ADGRL3: variants seen among roughly 807,000 people sequenced by gnomAD.
ADGRL3 encodes adhesion G protein-coupled receptor L3.
A neutral mutation model predicts 153.5 loss-of-function variants in ADGRL3; 62 were observed. The observed-to-expected ratio is 0.40, with a 90% CI of 0.33 to 0.50. The LOEUF (loss-of-function observed/expected upper bound fraction) is 0.50, where lower values mean the gene tolerates loss of function less well. Ranked by LOEUF, ADGRL3 falls within the 20% of genes least tolerant of loss-of-function variation. The pLI is 0.47. For missense variants in ADGRL3, 1,641 were observed against 1,859.4 expected (o/e 0.88, Z 2.16); for synonymous variants, 710 against 672.5 (o/e 1.06, Z -0.86).
At chr4:61,631,389 A>G (rs181240279) in intron 5 of ADGRL3, among the ~76,000 whole-genome samples, 19 of 152,356 alleles carry the variant, frequency 1.2e-4, no homozygotes, top group African/African-American at 4.1e-4. Flanking sequence ...TAAAAGTTCT[A>G]TAATAAAGAA....
At chr4:61,439,547 T>C (rs918822868) in intron 2 of ADGRL3, among the ~76,000 whole-genome samples, 4 of 152,188 alleles carry the variant, frequency 2.6e-5, no homozygotes, top group African/African-American at 9.7e-5. Flanking sequence ...TGGTGGTTTC[T>C]GCACCCATCA....
chr4:62,022,189 G>A (rs1445274276), intron 21 of ADGRL3, among the ~76,000 whole-genome samples: 122 of 152,194 alleles, frequency 8.0e-4, no homozygotes, highest in Non-Finnish European at 4.4e-5. Context: ...TAGTGGTCTT[G>A]TTAGAAGATC....
chr4:61,403,407 T>C (rs960755201), intron 2 of ADGRL3, among the ~76,000 whole-genome samples: 1 of 151,980 alleles, frequency 6.6e-6, no homozygotes, highest in African/African-American at 2.4e-5. Context: ...TTGCTCATGA[T>C]TTAACAAATC....
At position 61,365,182 on chromosome 4, in the gene ADGRL3, TAGGA is replaced by T. The variant is rs568067685; in HGVS notation, c.-239-17939_-239-17936del. Reference sequence around the variant, plus strand: ...CTTTAGCCAAAGTTGGTTCTCTAAATAGGAAGATTTTAAAAAAATGAAATCATTG... The same window carrying T: ...CTTTAGCCAAAGTTGGTTCTCTAAATAGATTTTAAAAAAATGAAATCATTG... On this transcript the variant is annotated intron_variant, in intron 1 of 26. Coordinates refer to ENST00000683033, the MANE Select transcript of ADGRL3 (RefSeq NM_001387552.1). 3.2e-3 allele frequency among the ~76,000 whole-genome samples: 480 copies of T among 151,860 alleles called. 4 individuals are homozygous for T. The highest frequency in any genetic ancestry group is 0.01 in the African/African-American group (429 of 41,414).
At chr4:61,883,796 G>A (rs1018147379) in intron 9 of ADGRL3, among the ~76,000 whole-genome samples, 1 of 151,974 alleles carries the variant, frequency 6.6e-6, no homozygotes, top group Non-Finnish European at 1.5e-5. Flanking sequence ...TAGAATAATT[G>A]ATGATGTTGT....
chr4:61,570,562 G>A (rs558515005), intron 4 of ADGRL3, among the ~76,000 whole-genome samples: 13 of 152,158 alleles, frequency 8.5e-5, no homozygotes, highest in Admixed American at 7.2e-4. Context: ...CCTCATCTCT[G>A]AAACACCTCC....
chr4:61,209,777 T>C (rs1260995993), intron 1 of ADGRL3, among the ~76,000 whole-genome samples: 1 of 152,130 alleles, frequency 6.6e-6, no homozygotes, highest in Non-Finnish European at 1.5e-5. Context: ...AGGTATAAAA[T>C]GAAAGCAACA....
chr4:62,055,055 GTT>G (rs752960754), intron 25 of ADGRL3, among the ~76,000 whole-genome samples: 1 of 151,724 alleles, frequency 6.6e-6, no homozygotes, highest in Non-Finnish European at 1.5e-5. Context: ...TAGGCAATAT[GTT>G]ACTTCAATAA....
chr4:61,945,541 G>T lies in ADGRL3; in HGVS notation c.2420-1373G>T, dbSNP rs1232147080. On this transcript the variant is annotated intron_variant, in intron 15 of 26. Transcript: ENST00000683033. ...CGGGCGCCCCTCCCCCAGCCTCGTT[G>T]CCACCTTGCAGTTTGATCTCAGACT... Among the ~76,000 whole-genome samples, 296 of 137,078 alleles carry T rather than the reference G, an allele frequency of 2.2e-3. 1 individual carries two copies. Among genetic ancestry groups the T allele is most frequent in the Non-Finnish European group, 3.6e-3 (227 of 63,546 alleles). The allele number at this position is 137,078 out of a possible 152,430, so 89.9% of individuals were successfully genotyped here.
intron 1 of ADGRL3, among the ~76,000 whole-genome samples, chr4:61,269,336 A>G (rs183236183): frequency 8.6e-5 from 13 of 151,700 alleles, no homozygotes; most frequent in Admixed American, 8.6e-4. Context: ...TATTTCTTAA[A>G]GGGAATTTGA....
At chr4:61,324,638 AAT>A (rs2095429361) in intron 1 of ADGRL3, among the ~76,000 whole-genome samples, 1 of 152,188 alleles carries the variant, frequency 6.6e-6, no homozygotes. Context: ...TAATCTGCCC[AAT>A]ATTGCACTTA....
chr4:61,968,631 T>C lies in ADGRL3; in HGVS notation c.2806-10932T>C, dbSNP rs544819691. On this transcript the variant is annotated intron_variant, in intron 17 of 26. Transcript: ENST00000683033. ...CATTTCCAGAAAGTCAAAAGGCCCA[T>C]TAAGTGCTTCTGCACATTCTGGGGA... 1.8e-4 allele frequency among the ~76,000 whole-genome samples: 27 copies of C among 152,320 alleles called. 1 individual carries two copies. In the South Asian group the frequency reaches 5.4e-3, roughly 30 times the overall value.
intron 4 of ADGRL3, among the ~76,000 whole-genome samples, chr4:61,555,647 G>A (rs565822220): frequency 1.3e-5 from 2 of 152,100 alleles, no homozygotes; most frequent in African/African-American, 4.8e-5. Context: ...ATCTCAGGGC[G>A]AGTCTGTAAA....
intron 2 of ADGRL3, among the ~76,000 whole-genome samples, chr4:61,393,545 T>A (rs1366436771): frequency 6.6e-6 from 1 of 152,120 alleles, no homozygotes; most frequent in Non-Finnish European, 1.5e-5. Context: ...GAATTTAAAA[T>A]GTCAATAATA....
At chr4:61,643,836 A>G (rs1427272865) in intron 5 of ADGRL3, among the ~76,000 whole-genome samples, 3 of 146,104 alleles carry the variant, frequency 2.1e-5, no homozygotes, top group Non-Finnish European at 4.5e-5. Context: ...CTCTTTTTCT[A>G]TTGATTGGAA....
At chr4:61,253,691 C>CCACACACACACACACACACA (rs143396564) in intron 1 of ADGRL3, among the ~76,000 whole-genome samples, 2 of 140,396 alleles carry the variant, frequency 1.4e-5, no homozygotes, top group South Asian at 2.2e-4. Context: ...ATGTTCAGTT[C>CCACACACACACACACACACA]CACACACACA....
intron 5 of ADGRL3, among the ~76,000 whole-genome samples, chr4:61,606,803 G>A (rs2099034177): frequency 6.6e-6 from 1 of 152,102 alleles, no homozygotes; most frequent in East Asian, 1.9e-4. Flanking sequence ...GCATAATGAG[G>A]ATAGAATTAA....
intron 1 of ADGRL3, among the ~76,000 whole-genome samples, chr4:61,204,765 A>G (rs1736358056): frequency 6.6e-6 from 1 of 152,026 alleles, no homozygotes. Flanking sequence ...TTAGATAGAG[A>G]TGTTAGGCTG....
chr4:61,248,933 A>G (rs964812997), intron 1 of ADGRL3, among the ~76,000 whole-genome samples: 2 of 152,178 alleles, frequency 1.3e-5, no homozygotes, highest in Non-Finnish European at 2.9e-5. Flanking sequence ...GGATGGTTGT[A>G]TTCTACGTGC....
Sources: allele counts gnomAD v4.1 joint callset (sites outside exome capture counted in the v4.1 genomes callset), GRCh38; gene constraint gnomAD v4.1.1; transcripts MANE v1.5; gene names NCBI Gene and HGNC (gene_info 2026-07-23, HGNC 2026-07-21).